SKAP1: variants seen among roughly 807,000 people sequenced by gnomAD.
SKAP1 encodes src kinase associated phosphoprotein 1.
In SKAP1, 44 loss-of-function variants were observed where a neutral mutation model predicts 58.5. The ratio of observed to expected loss-of-function variants is 0.75; its 90% CI spans 0.59 to 0.97. The LOEUF (loss-of-function observed/expected upper bound fraction) is 0.97, where lower values mean the gene tolerates loss of function less well. Among genes scored for constraint, SKAP1 ranks in the 50% least tolerant of loss-of-function variants. The pLI, the probability that SKAP1 is intolerant of heterozygous loss-of-function variation, is 0.00. For synonymous variants in SKAP1, 127 were observed against 149.7 expected (o/e 0.85, Z 1.11); for missense variants, 390 against 435.2 (o/e 0.90, Z 0.92).
chr17:48,372,384 G>A (rs1400927501), intron 2 of SKAP1, among the ~76,000 whole-genome samples: 2 of 152,054 alleles, frequency 1.3e-5, no homozygotes, highest in African/African-American at 4.8e-5. Flanking sequence ...TTGGCTCACC[G>A]CAACCTCCGC....
chr17:48,247,866 C>A (rs967697499), intron 4 of SKAP1, among the ~76,000 whole-genome samples: 1 of 152,176 alleles, frequency 6.6e-6, no homozygotes, highest in African/African-American at 2.4e-5. Flanking sequence ...ATCTCTATTA[C>A]AATGACCTGC....
chr17:48,294,161 T>C (rs2144093251), intron 4 of SKAP1, among the ~76,000 whole-genome samples: 1 of 152,278 alleles, frequency 6.6e-6, no homozygotes, highest in Middle Eastern at 3.4e-3. Context: ...CATTGAAATT[T>C]CATTAATCTA....
At chr17:48,415,109 T>C (rs553454405) in intron 1 of SKAP1, among the ~76,000 whole-genome samples, 1 of 152,322 alleles carries the variant, frequency 6.6e-6, no homozygotes, top group East Asian at 1.9e-4. Context: ...ACCTTTTATT[T>C]GGAGGCAGGA....
chr17:48,173,185 C>T (rs2064239504), intron 9 of SKAP1, among the ~76,000 whole-genome samples: 1 of 92,856 alleles, frequency 1.1e-5, no homozygotes, highest in Non-Finnish European at 2.4e-5. Flanking sequence ...GACCTTGTCT[C>T]TAAAAAAAAA....
intron 9 of SKAP1, among the ~76,000 whole-genome samples, chr17:48,179,137 A>G (rs1598400352): frequency 6.6e-6 from 1 of 152,216 alleles, no homozygotes; most frequent in Non-Finnish European, 1.5e-5. Context: ...TCTTAGGTTC[A>G]TCTGGGATTG....
chr17:48,204,981 CTTT>C (rs749782110), intron 4 of SKAP1, among the ~76,000 whole-genome samples: 1 of 57,034 alleles, frequency 1.8e-5, no homozygotes, highest in African/African-American at 5.7e-5. Flanking sequence ...TCTTTTCTTT[CTTT>C]CTTTCTTTCT....
intron 1 of SKAP1, among the ~76,000 whole-genome samples, chr17:48,401,559 G>A (rs940390986): frequency 6.6e-6 from 1 of 152,082 alleles, no homozygotes; most frequent in Non-Finnish European, 1.5e-5. Flanking sequence ...TGAGACAACT[G>A]AGTATACACA....
intron 10 of SKAP1, 55 bp from the exon 11 acceptor site, chr17:48,162,624 C>G: frequency 7.5e-7 from 1 of 1,329,264 alleles, no homozygotes; most frequent in Non-Finnish European, 1.1e-6. Flanking sequence ...TTCCGAGGTA[C>G]CCATGTTTTT....
intron 4 of SKAP1, among the ~76,000 whole-genome samples, chr17:48,233,704 A>C (rs569571742): frequency 1.3e-5 from 2 of 152,110 alleles, no homozygotes; most frequent in Admixed American, 1.3e-4. Flanking sequence ...AACATACAAA[A>C]AATTAGCCGG....
At chr17:48,376,942 G>A (rs1455451655) in intron 2 of SKAP1, among the ~76,000 whole-genome samples, 1 of 152,098 alleles carries the variant, frequency 6.6e-6, no homozygotes, top group Admixed American at 6.6e-5. Flanking sequence ...GGGAGGGTCG[G>A]GTCACAGAGA....
intron 4 of SKAP1, among the ~76,000 whole-genome samples, chr17:48,314,300 G>T (rs867616493): frequency 2.0e-5 from 3 of 152,074 alleles, no homozygotes; most frequent in Non-Finnish European, 4.4e-5. Context: ...ACATTAACAG[G>T]CTTTATAGGT....
chr17:48,148,983 A>C (rs752048036), intron 11 of SKAP1, among the ~76,000 whole-genome samples: 1 of 152,136 alleles, frequency 6.6e-6, no homozygotes, highest in African/African-American at 2.4e-5. Flanking sequence ...GTTCTCTCTT[A>C]TCTCTTTTCC....
intron 4 of SKAP1, among the ~76,000 whole-genome samples, chr17:48,208,248 G>A (rs918327593): frequency 5.9e-5 from 9 of 152,168 alleles, no homozygotes; most frequent in African/African-American, 2.2e-4. Flanking sequence ...AGGAGGCTGT[G>A]CTCTCTTACC....
At chr17:48,352,010 A>T (rs2066808451) in intron 3 of SKAP1, among the ~76,000 whole-genome samples, 1 of 151,474 alleles carries the variant, frequency 6.6e-6, no homozygotes, top group Non-Finnish European at 1.5e-5. Context: ...AATTTTGACC[A>T]GTAGGGTGAG....
At chr17:48,404,088 C>T (rs1184417362) in intron 1 of SKAP1, among the ~76,000 whole-genome samples, 3 of 109,838 alleles carry the variant, frequency 2.7e-5, no homozygotes, top group Non-Finnish European at 5.6e-5. Context: ...GACTCTGTCT[C>T]GGAAAAAAAA....
At chr17:48,178,206 C>T (rs2064317752) in intron 9 of SKAP1, among the ~76,000 whole-genome samples, 1 of 152,086 alleles carries the variant, frequency 6.6e-6, no homozygotes, top group African/African-American at 2.4e-5. Flanking sequence ...GAGGACTCTT[C>T]CTCTTTATTC....
At chr17:48,440,312 C>G in the SKAP1 span, among the ~76,000 whole-genome samples, 1 of 152,186 alleles carries the variant, frequency 6.6e-6, no homozygotes, top group Non-Finnish European at 1.5e-5. Flanking sequence ...TCCACCAGGG[C>G]AGCTCTACAT....
intron 9 of SKAP1, among the ~76,000 whole-genome samples, chr17:48,171,689 C>CA (rs977502724): frequency 6.6e-6 from 1 of 151,952 alleles, no homozygotes; most frequent in Non-Finnish European, 1.5e-5. Context: ...TATCTCTATG[C>CA]AAGCATTCTC....
intron 4 of SKAP1, among the ~76,000 whole-genome samples, chr17:48,317,214 T>C (rs936001442): frequency 1.3e-5 from 2 of 152,072 alleles, no homozygotes; most frequent in East Asian, 3.8e-4. Flanking sequence ...AATAAACCTA[T>C]GAAAAATCAC....
Sources: allele counts gnomAD v4.1 joint callset (sites outside exome capture counted in the v4.1 genomes callset), GRCh38; gene constraint gnomAD v4.1.1; transcripts MANE v1.5; gene names NCBI Gene and HGNC (gene_info 2026-07-23, HGNC 2026-07-21).